The following RELB variants were observed in gnomAD, a reference collection of about 807,000 sequenced individuals.
RELB encodes the protein transcription factor RelB.
In RELB, 14 loss-of-function variants were observed where a neutral mutation model predicts 55.4. The observed-to-expected ratio is 0.25, with a 90% CI of 0.17 to 0.40. The LOEUF is 0.40. Ranked by LOEUF, RELB falls within the 10% of genes least tolerant of loss-of-function variation. The probability of loss-of-function intolerance (pLI) is 1.00; values close to 1 mark genes in which losing one functional copy is unlikely to be tolerated. For missense variants in RELB, 669 were observed against 830.7 expected (o/e 0.81, Z 2.39); for synonymous variants, 409 against 371.3 (o/e 1.10, Z -1.17).
chr19:45,011,917 G>GT lies in RELB; in HGVS notation c.164-13dup. The stretch of plus-strand genomic sequence containing the variant: ...TTTTAAAGAATGGGCGTCACCACCC[G>GT]TTTTTTCTTCTCCCGCAGAGATCAT... On this transcript the variant is annotated intron_variant, in intron 3 of 11. Coordinates refer to ENST00000221452, the MANE Select transcript of RELB (RefSeq NM_006509.4). 7.0e-7 allele frequency: 1 copy of GT among 1,432,296 alleles called. No homozygotes were observed. Among genetic ancestry groups the GT allele is most frequent in the Non-Finnish European group, 9.2e-7 (1 of 1,085,946 alleles). 88.7% of individuals were successfully genotyped at this position (1,432,296 alleles called of 1,614,324 possible). A position where few individuals can be genotyped will look rare whatever the true frequency, so the allele number is the denominator to read the frequency against.
intron 3 of RELB, 98 bp from the exon 4 acceptor site, chr19:45,011,838 A>AGAGAGAGAGAGAG: frequency 2.5e-6 from 1 of 396,774 alleles, no homozygotes; most frequent in Non-Finnish European, 4.1e-6. Context: ...GAGAGAGATA[A>AGAGAGAGAGAGAG]ATGGGATGGA....
intron 4 of RELB, among the ~76,000 whole-genome samples, chr19:45,018,277 G>A (rs529635632): frequency 2.6e-5 from 4 of 152,084 alleles, no homozygotes; most frequent in South Asian, 2.1e-4. Flanking sequence ...GGTGGCGGGC[G>A]CCTATAGTCC....
intron 7 of RELB, among the ~76,000 whole-genome samples, chr19:45,026,377 TG>T (rs1238770126): frequency 6.6e-6 from 1 of 151,784 alleles, no homozygotes; most frequent in African/African-American, 2.4e-5. Context: ...CAGTCCAGCC[TG>T]GGCAACAGAG....
intron 2 of RELB, among the ~76,000 whole-genome samples, chr19:45,004,108 G>A (rs1261950482): frequency 2.0e-5 from 3 of 151,188 alleles, no homozygotes; most frequent in African/African-American, 7.3e-5. Context: ...AGTAGAGATG[G>A]GGTTTCACCA....
At chr19:45,033,779 G>T (rs1360841964) in intron 9 of RELB, among the ~76,000 whole-genome samples, 1 of 150,870 alleles carries the variant, frequency 6.6e-6, no homozygotes, top group Non-Finnish European at 1.5e-5. Flanking sequence ...CTGACCTCAG[G>T]TGATCCGCCC....
chr19:45,002,822 A>G (rs1451524957), intron 1 of RELB, 127 bp from the exon 2 acceptor site: 33 of 690,142 alleles, frequency 4.8e-5, no homozygotes, highest in Non-Finnish European at 6.2e-5. Context: ...GCAGGGGGGC[A>G]GTCAGGGCGA....
At chr19:45,020,553 CTTTTTTTTTT>C (rs34030158) in intron 4 of RELB, among the ~76,000 whole-genome samples, 1 of 86,554 alleles carries the variant, frequency 1.2e-5, no homozygotes, top group Non-Finnish European at 2.1e-5. Context: ...TGGCACCCAT[CTTTTTTTTTT>C]TTTTTTTTTT....
chr19:45,004,389 AT>A (rs1274903808), intron 2 of RELB, among the ~76,000 whole-genome samples: 2 of 144,024 alleles, frequency 1.4e-5, no homozygotes, highest in Admixed American at 7.0e-5. Flanking sequence ...CGCTCAGCTA[AT>A]TTTTTGTATT....
At chr19:45,023,893 G>A (rs1056170759) in intron 5 of RELB, among the ~76,000 whole-genome samples, 3 of 151,294 alleles carry the variant, frequency 2.0e-5, no homozygotes, top group African/African-American at 7.3e-5. Context: ...TGGGATTACA[G>A]GCGCCAGCCA....
chr19:45,024,184 C>T (rs146287083), intron 5 of RELB, among the ~76,000 whole-genome samples: 1,623 of 150,630 alleles, frequency 0.011, 22 homozygotes, highest in African/African-American at 0.037. Context: ...TATTTTGAGA[C>T]GGAGTCTCGC....
At chr19:45,036,847 T>G (rs183909212) in intron 11 of RELB, among the ~76,000 whole-genome samples, 1 of 152,292 alleles carries the variant, frequency 6.6e-6, no homozygotes, top group East Asian at 1.9e-4. Flanking sequence ...CCCAGCTAAC[T>G]TTTAAATAAT....
Position 45,025,757 on chromosome 19 carries a change from G to A in RELB, c.886+20G>A, listed in dbSNP as rs1017148738. ...ACAAGAGTGAGTTGAGAGTGCTGTG[G>A]CCGTTAGGATTGCCCTTGGCTGCAG... On this transcript the variant is annotated intron_variant, in intron 7 of 11. Transcript: ENST00000221452. 2 of 1,613,628 alleles carry A rather than the reference G, an allele frequency of 1.2e-6. No homozygotes were observed. Among genetic ancestry groups the A allele is most frequent in the Admixed American group, 1.7e-5 (1 of 59,982 alleles).
At chr19:45,021,249 G>A (rs560129511) in intron 4 of RELB, among the ~76,000 whole-genome samples, 14 of 151,792 alleles carry the variant, frequency 9.2e-5, no homozygotes, top group East Asian at 2.0e-4. Flanking sequence ...CGAGGCGGGC[G>A]GATCACGAGG....
At chr19:45,034,105 G>A in intron 9 of RELB, 139 bp from the exon 10 acceptor site, 1 of 563,116 alleles carries the variant, frequency 1.8e-6, no homozygotes, top group South Asian at 2.7e-5. Context: ...GTTGCAGTGA[G>A]CCAAGACCGT....
Position 45,037,942 on chromosome 19 carries a change from G to A in RELB, c.*152G>A. ...GCCTTGGCGAGAAGCTCCGTTGCAC[G>A]GGTTTCCCCTTGAGCCCATTTTACA... On this transcript the variant is annotated 3_prime_UTR_variant, in exon 12 of 12. Transcript: ENST00000221452. 1.4e-6 allele frequency: 1 copy of A among 731,832 alleles called. No homozygotes were observed. The highest frequency in any genetic ancestry group is 2.0e-6 in the Non-Finnish European group (1 of 505,288). 45.3% of individuals were successfully genotyped at this position (731,832 alleles called of 1,614,324 possible).
intron 1 of RELB, 29 bp downstream of exon 1, chr19:45,001,714 G>A: frequency 7.1e-7 from 1 of 1,402,336 alleles, no homozygotes; most frequent in East Asian, 2.6e-5. Context: ...CAGGAGAGGG[G>A]TCTGGGGCGG....
intron 2 of RELB, among the ~76,000 whole-genome samples, chr19:45,004,920 A>G (rs368174900): frequency 1.3e-5 from 2 of 151,872 alleles, no homozygotes; most frequent in African/African-American, 4.8e-5. Flanking sequence ...CTGTGATCCC[A>G]GCACTTTGGG....
At chr19:45,015,306 G>T (rs571690606) in intron 4 of RELB, among the ~76,000 whole-genome samples, 1 of 152,150 alleles carries the variant, frequency 6.6e-6, no homozygotes, top group Non-Finnish European at 1.5e-5. Flanking sequence ...TGTAATTACC[G>T]CCATTTACTG....
chr19:45,019,200 C>G (rs1971455068), intron 4 of RELB, among the ~76,000 whole-genome samples: 1 of 152,068 alleles, frequency 6.6e-6, no homozygotes, highest in Non-Finnish European at 1.5e-5. Flanking sequence ...GTACCTGGGA[C>G]TACAGGTGCA....
Sources: allele counts gnomAD v4.1 joint callset (sites outside exome capture counted in the v4.1 genomes callset), GRCh38; gene constraint gnomAD v4.1.1; transcripts MANE v1.5; gene names NCBI Gene and HGNC (gene_info 2026-07-23, HGNC 2026-07-21).